HTR2A: variants seen among roughly 807,000 people sequenced by gnomAD.
HTR2A encodes the protein 5-hydroxytryptamine receptor 2A, also known as 5-HT2 receptor.
Under a neutral mutation model 31.0 loss-of-function variants are expected in HTR2A, and 14 were observed. That is an observed-to-expected ratio of 0.45 (90% CI 0.30 to 0.71). The LOEUF (loss-of-function observed/expected upper bound fraction) is 0.71, where lower values mean the gene tolerates loss of function less well. HTR2A is among the 30% of genes least tolerant of loss of function. The probability of loss-of-function intolerance (pLI) is 0.09; values close to 1 mark genes in which losing one functional copy is unlikely to be tolerated. For synonymous variants in HTR2A, 209 were observed against 225.2 expected (o/e 0.93, Z 0.64); for missense variants, 442 against 573.3 (o/e 0.77, Z 2.34).
intron 3 of HTR2A, among the ~76,000 whole-genome samples, chr13:46,852,818 A>C (rs1029211385): frequency 6.6e-6 from 1 of 152,176 alleles, no homozygotes; most frequent in Non-Finnish European, 1.5e-5. Flanking sequence ...AAAAATTTTA[A>C]CTTTTGGATT....
intron 2 of HTR2A, among the ~76,000 whole-genome samples, chr13:46,894,167 G>GGGAGGCTGGA (rs1440443509): frequency 1.3e-5 from 2 of 152,208 alleles, no homozygotes; most frequent in East Asian, 1.9e-4. Flanking sequence ...CGTGGGCTGG[G>GGGAGGCTGGA]GGAGGCTGGA....
At chr13:46,876,400 ATATATTTTTTTT>A (rs1693852307) in intron 3 of HTR2A, among the ~76,000 whole-genome samples, 1 of 80,652 alleles carries the variant, frequency 1.2e-5, no homozygotes, top group South Asian at 4.3e-4. Flanking sequence ...ATATATATAT[ATATATTTTTTTT>A]TTTTTTTTTT....
intron 3 of HTR2A, among the ~76,000 whole-genome samples, chr13:46,839,549 T>C (rs1452365161): frequency 1.3e-5 from 2 of 152,202 alleles, no homozygotes; most frequent in African/African-American, 4.8e-5. Context: ...ACATCTCCTC[T>C]CACTTGAAAT....
intron 3 of HTR2A, among the ~76,000 whole-genome samples, chr13:46,852,965 A>AG (rs1950699500): frequency 7.4e-6 from 1 of 134,400 alleles, no homozygotes; most frequent in African/African-American, 2.6e-5. Context: ...TAATAGTTCT[A>AG]GGGCTTTTTT....
In HTR2A at chr13:46,834,848, T is replaced by C; in HGVS notation, c.1405A>G (p.Ser469Gly). Residue 469 changes from serine to glycine, a missense_variant, in exon 4 of 4, where the codon AGC becomes GGC. Coordinates refer to ENST00000542664, the MANE Select transcript of HTR2A (RefSeq NM_000621.5). ...DNSDGVNEKVSCV is the reference protein window; with the variant it reads ...DNSDGVNEKVGCV ...CGGCAACTAGCCTATCACACACAGC[T>C]CACCTTTTCATTCACTCCGTCGCTA... is the stretch of plus-strand genomic sequence containing the variant. 1 of 1,611,832 alleles carries C rather than the reference T, an allele frequency of 6.2e-7. No homozygotes were observed. Among genetic ancestry groups the C allele is most frequent in the Non-Finnish European group, 8.5e-7 (1 of 1,178,594 alleles).
chr13:46,859,643 G>A (rs1381250107), intron 3 of HTR2A, among the ~76,000 whole-genome samples: 1 of 152,084 alleles, frequency 6.6e-6, no homozygotes, highest in Non-Finnish European at 1.5e-5. Context: ...CCTTCCTCCT[G>A]CTCTGGGCCA....
intron 2 of HTR2A, among the ~76,000 whole-genome samples, chr13:46,893,945 C>T (rs1951076829): frequency 6.6e-6 from 1 of 152,238 alleles, no homozygotes; most frequent in Admixed American, 6.5e-5. Flanking sequence ...TACAGCCATT[C>T]ACATGTATTA....
chr13:46,845,010 T>C (rs890685939), intron 3 of HTR2A, among the ~76,000 whole-genome samples: 1 of 146,814 alleles, frequency 6.8e-6, no homozygotes, highest in Non-Finnish European at 1.5e-5. Context: ...ATGTCTAAGA[T>C]CTTTTTTTTT....
chr13:46,855,805 G>A (rs891331171), intron 3 of HTR2A, among the ~76,000 whole-genome samples: 3 of 152,120 alleles, frequency 2.0e-5, no homozygotes, highest in African/African-American at 4.8e-5. Flanking sequence ...CTGATAGTAG[G>A]GCATATAAAG....
chr13:46,845,194 G>A (rs954498735), intron 3 of HTR2A, among the ~76,000 whole-genome samples: 5 of 152,098 alleles, frequency 3.3e-5, no homozygotes, highest in Non-Finnish European at 7.4e-5. Context: ...GAATGAGATC[G>A]AGAGGCAAAA....
chr13:46,864,683 A>G (rs1418405028), intron 3 of HTR2A, among the ~76,000 whole-genome samples: 1 of 152,174 alleles, frequency 6.6e-6, no homozygotes, highest in East Asian at 1.9e-4. Flanking sequence ...TAATTAGCTA[A>G]CACAGATGTT....
At chr13:46,854,081 G>A (rs560130276) in intron 3 of HTR2A, 1 of 152,290 alleles carries the variant, frequency 6.6e-6, no homozygotes, top group Non-Finnish European at 1.5e-5. Flanking sequence ...TCGGTAGCAT[G>A]GGTATTTTGC....
At chr13:46,879,744 G>A (rs1200023885) in intron 3 of HTR2A, among the ~76,000 whole-genome samples, 2 of 152,334 alleles carry the variant, frequency 1.3e-5, no homozygotes, top group East Asian at 1.9e-4. Flanking sequence ...AGTGGCTCAT[G>A]CCTGTTATCC....
At chr13:46,867,453 T>C (rs1005567175) in intron 3 of HTR2A, among the ~76,000 whole-genome samples, 3 of 152,206 alleles carry the variant, frequency 2.0e-5, no homozygotes, top group African/African-American at 7.2e-5. Context: ...TACTATGAAT[T>C]TGTAGCAATA....
intron 3 of HTR2A, among the ~76,000 whole-genome samples, chr13:46,873,481 T>C (rs1223331852): frequency 6.7e-6 from 1 of 149,896 alleles, no homozygotes; most frequent in Non-Finnish European, 1.5e-5. Flanking sequence ...AGTTTTAGGG[T>C]ATATGTGCAC....
intron 3 of HTR2A, among the ~76,000 whole-genome samples, chr13:46,848,453 C>T (rs1451259209): frequency 1.3e-5 from 2 of 152,150 alleles, no homozygotes; most frequent in Admixed American, 1.3e-4. Flanking sequence ...CAAGGTAGAA[C>T]TGTTAAGCTC....
At chr13:46,870,230 T>C (rs577647861) in intron 3 of HTR2A, among the ~76,000 whole-genome samples, 26 of 152,222 alleles carry the variant, frequency 1.7e-4, no homozygotes, top group African/African-American at 5.5e-4. Context: ...AGGACAGATA[T>C]AGACTACTGT....
chr13:46,877,489 C>T (rs1357257178), intron 3 of HTR2A, among the ~76,000 whole-genome samples: 1 of 152,060 alleles, frequency 6.6e-6, no homozygotes, highest in Non-Finnish European at 1.5e-5. Flanking sequence ...ATGGGGAAAG[C>T]AATCTAAAAC....
At chr13:46,875,202 T>G (rs554235712) in intron 3 of HTR2A, among the ~76,000 whole-genome samples, 1 of 152,336 alleles carries the variant, frequency 6.6e-6, no homozygotes, top group South Asian at 2.1e-4. Flanking sequence ...AGCCTACAAA[T>G]GTAGTCAGTC....
Sources: allele counts gnomAD v4.1 joint callset (sites outside exome capture counted in the v4.1 genomes callset), GRCh38; gene constraint gnomAD v4.1.1; transcripts MANE v1.5; gene names NCBI Gene and HGNC (gene_info 2026-07-23, HGNC 2026-07-21).